Variants in ZMAT4 observed in about 807,000 individuals in gnomAD.
ZMAT4 encodes the protein zinc finger matrin-type 4, also known as zinc finger matrin-type protein 4.
In ZMAT4, 17 loss-of-function variants were observed where a neutral mutation model predicts 28.7. That is an observed-to-expected ratio of 0.59 (90% confidence interval 0.41 to 0.89). ZMAT4 has a LOEUF of 0.89. Ranked by LOEUF, ZMAT4 falls within the 40% of genes least tolerant of loss-of-function variation. The probability of loss-of-function intolerance (pLI) is 0.00; values close to 1 mark genes in which losing one functional copy is unlikely to be tolerated. For missense variants in ZMAT4, 240 were observed against 283.8 expected (o/e 0.85, Z 1.11); for synonymous variants, 117 against 109.2 (o/e 1.07, Z -0.44).
intron 5 of ZMAT4, among the ~76,000 whole-genome samples, chr8:40,614,080 T>C (rs1048499589): frequency 3.9e-5 from 6 of 152,216 alleles, no homozygotes; most frequent in African/African-American, 1.4e-4. Context: ...CATGAAGCTG[T>C]AGCCAGCACA....
intron 5 of ZMAT4, among the ~76,000 whole-genome samples, chr8:40,600,385 C>G (rs1011169300): frequency 2.0e-5 from 3 of 152,146 alleles, no homozygotes; most frequent in African/African-American, 7.2e-5. Context: ...CTGACTCTAC[C>G]AAGATAAAAA....
At chr8:40,727,766 A>G (rs1398654557) in intron 3 of ZMAT4, among the ~76,000 whole-genome samples, 1 of 152,232 alleles carries the variant, frequency 6.6e-6, no homozygotes, top group Non-Finnish European at 1.5e-5. Flanking sequence ...AATTTTATGA[A>G]CTATCACTAT....
chr8:40,613,090 T>C (rs10958626), intron 5 of ZMAT4, among the ~76,000 whole-genome samples: 116,162 of 151,274 alleles, frequency 0.77, 44,792 homozygotes, highest in East Asian at 0.97. Context: ...AGATTACAGG[T>C]GTGAGCCACC....
intron 2 of ZMAT4, among the ~76,000 whole-genome samples, chr8:40,791,558 A>G (rs1281661149): frequency 6.6e-6 from 1 of 152,160 alleles, no homozygotes; most frequent in Non-Finnish European, 1.5e-5. Context: ...CTCATGGCTG[A>G]GTTGGGCCAT....
At chr8:40,559,813 C>T (rs1803673483) in intron 6 of ZMAT4, among the ~76,000 whole-genome samples, 1 of 151,972 alleles carries the variant, frequency 6.6e-6, no homozygotes, top group Admixed American at 6.6e-5. Flanking sequence ...ATATACACAA[C>T]CACATAAGTA....
chr8:40,532,790 T>G (rs1290447847), intron 6 of ZMAT4, among the ~76,000 whole-genome samples: 10 of 152,010 alleles, frequency 6.6e-5, no homozygotes, highest in Non-Finnish European at 1.2e-4. Flanking sequence ...GAGGTCAGGA[T>G]ATCAAGACTA....
chr8:40,700,022 C>T (rs570465849), intron 3 of ZMAT4, among the ~76,000 whole-genome samples: 1 of 152,274 alleles, frequency 6.6e-6, no homozygotes, highest in African/African-American at 2.4e-5. Context: ...CAAAGAGTTG[C>T]CCTTAATGAA....
Position 40,574,608 on chromosome 8 carries a change from AAG to A in ZMAT4, c.674+6555_674+6556del, listed in dbSNP as rs144192764. Among the ~76,000 whole-genome samples the A allele has an allele frequency of 4.5e-3, 688 of 152,350 alleles. 3 individuals carry two copies. The highest frequency in any genetic ancestry group is 0.016 in the African/African-American group (657 of 41,592). On this transcript the variant is annotated intron_variant, in intron 6 of 6. Transcript: ENST00000297737. ...ACTAAAATTTGATTGGAGTGTCTGAAAGAGAGTGTTGATGTACAGCAAAAAAT... is the reference window on the plus strand; with the variant it reads ...ACTAAAATTTGATTGGAGTGTCTGAAAGAGTGTTGATGTACAGCAAAAAAT...
chr8:40,793,880 G>A (rs546534826), intron 2 of ZMAT4, among the ~76,000 whole-genome samples: 6 of 152,244 alleles, frequency 3.9e-5, no homozygotes, highest in Admixed American at 2.0e-4. Flanking sequence ...CTTAGTAGAA[G>A]CACATATTTG....
At chr8:40,537,765 C>T (rs1802893301) in intron 6 of ZMAT4, among the ~76,000 whole-genome samples, 1 of 152,180 alleles carries the variant, frequency 6.6e-6, no homozygotes, top group Admixed American at 6.5e-5. Context: ...GGAGGTCGAA[C>T]ATCATCATTT....
At chr8:40,619,113 A>T (rs1194310899) in intron 5 of ZMAT4, among the ~76,000 whole-genome samples, 4 of 152,282 alleles carry the variant, frequency 2.6e-5, no homozygotes, top group East Asian at 1.9e-4. Context: ...AAGGGGCAGG[A>T]CTATTAATTC....
chr8:40,640,689 G>A (rs1806981581), intron 5 of ZMAT4, among the ~76,000 whole-genome samples: 1 of 151,994 alleles, frequency 6.6e-6, no homozygotes, highest in Admixed American at 6.5e-5. Flanking sequence ...GGCCAGGCAT[G>A]GTGGCTCATG....
chr8:40,854,103 A>G (rs1465366508), intron 1 of ZMAT4, among the ~76,000 whole-genome samples: 1 of 152,148 alleles, frequency 6.6e-6, no homozygotes, highest in Non-Finnish European at 1.5e-5. Flanking sequence ...TTAACTCATT[A>G]CCATGAAGAG....
chr8:40,586,509 C>T (rs1236200984), intron 5 of ZMAT4, among the ~76,000 whole-genome samples: 2 of 152,146 alleles, frequency 1.3e-5, no homozygotes, highest in Non-Finnish European at 2.9e-5. Flanking sequence ...TGAAATGTTA[C>T]AGGAGCTAGA....
intron 5 of ZMAT4, among the ~76,000 whole-genome samples, chr8:40,647,507 C>A (rs1807390314): frequency 6.6e-6 from 1 of 152,166 alleles, no homozygotes; most frequent in Non-Finnish European, 1.5e-5. Flanking sequence ...GGAGGGGCGC[C>A]CACCATTGCC....
chr8:40,668,499 G>GA (rs375636676), intron 5 of ZMAT4, among the ~76,000 whole-genome samples: 36 of 139,710 alleles, frequency 2.6e-4, no homozygotes, highest in Admixed American at 4.3e-4. Context: ...AAAGAAAAAA[G>GA]AAAAAAAAAG....
At chr8:40,871,400 G>C (rs1236330973) in intron 1 of ZMAT4, among the ~76,000 whole-genome samples, 2 of 152,050 alleles carry the variant, frequency 1.3e-5, no homozygotes, top group Non-Finnish European at 2.9e-5. Context: ...AGTCCAAAGG[G>C]ATGTGGAGAA....
intron 3 of ZMAT4, among the ~76,000 whole-genome samples, chr8:40,751,834 T>C (rs568881827): frequency 2.6e-5 from 4 of 152,242 alleles, no homozygotes; most frequent in Non-Finnish European, 5.9e-5. Context: ...ATTTTTAAAA[T>C]TATAATTGTT....
chr8:40,859,929 G>T (rs1420394266), intron 1 of ZMAT4, among the ~76,000 whole-genome samples: 1 of 152,180 alleles, frequency 6.6e-6, no homozygotes. Context: ...TAGAGAGAAA[G>T]ATGTCGAGGT....
Sources: gnomAD v4.1 joint callset for allele counts (sites outside exome capture counted in the v4.1 genomes callset) on GRCh38, gnomAD v4.1.1 for gene constraint, MANE v1.5 for transcripts, NCBI Gene and HGNC (gene_info 2026-07-23, HGNC 2026-07-21) for gene names.